RAPGEF2: variants seen among roughly 807,000 people sequenced by gnomAD.
RAPGEF2 encodes the protein Rap guanine nucleotide exchange factor 2, also known as PDZ domain containing guanine nucleotide exchange factor (GEF) 1.
Under a neutral mutation model 186.7 loss-of-function variants are expected in RAPGEF2, and 54 were observed. The observed-to-expected ratio is 0.29, with a 90% CI of 0.23 to 0.36. The LOEUF (loss-of-function observed/expected upper bound fraction) is 0.36. Among genes scored for constraint, RAPGEF2 ranks in the 10% least tolerant of loss-of-function variants. RAPGEF2 has a pLI of 1.00. For synonymous variants in RAPGEF2, 712 were observed against 705.9 expected (o/e 1.01, Z -0.14); for missense variants, 1,532 against 2,045.0 (o/e 0.75, Z 4.84).
intron 11 of RAPGEF2, among the ~76,000 whole-genome samples, chr4:159,325,030 C>T (rs918005874): frequency 2.0e-5 from 3 of 151,894 alleles, no homozygotes; most frequent in East Asian, 1.9e-4. Flanking sequence ...TTACAGTGTC[C>T]GGTCAATGTA....
intron 4 of RAPGEF2, among the ~76,000 whole-genome samples, chr4:159,222,518 A>G (rs1442183160): frequency 6.6e-6 from 1 of 152,218 alleles, no homozygotes; most frequent in East Asian, 1.9e-4. Context: ...TATTTCATAA[A>G]GATTTTAGAG....
rs1243908467 is a variant in RAPGEF2, at chr4:159,268,348, G to A, written c.543+24557G>A. On this transcript the variant is annotated intron_variant, in intron 7 of 29. Coordinates refer to ENST00000691494, the MANE Select transcript of RAPGEF2 (RefSeq NM_001394067.2). Reference sequence around the variant, plus strand: ...TATAGTAGTCTGCTTGGAGAGGAGGGGAGGGTGCATTAAAGCTGGCTTGTT... The same window carrying A: ...TATAGTAGTCTGCTTGGAGAGGAGGAGAGGGTGCATTAAAGCTGGCTTGTT... 4.5e-6 allele frequency: 3 copies of A among 659,560 alleles called. No individual in the cohort carries two copies. In the East Asian group the frequency reaches 8.9e-5, roughly 20 times the overall value. The allele number at this position is 659,560 out of a possible 1,614,324, so 40.9% of individuals were successfully genotyped here.
chr4:159,109,627 A>G (rs1005089408), intron 1 of RAPGEF2, among the ~76,000 whole-genome samples: 6 of 152,208 alleles, frequency 3.9e-5, no homozygotes, highest in African/African-American at 1.4e-4. Context: ...TAACTCACTA[A>G]TCTATTGTTA....
intron 1 of RAPGEF2, among the ~76,000 whole-genome samples, 170 bp from the exon 2 acceptor site, chr4:159,186,472 C>T (rs1174019946): frequency 3.3e-5 from 5 of 151,982 alleles, no homozygotes. Context: ...TAATGGATGA[C>T]ATTTGTACAA....
intron 7 of RAPGEF2, among the ~76,000 whole-genome samples, chr4:159,288,550 A>G (rs1760791848): frequency 6.6e-6 from 1 of 152,070 alleles, no homozygotes; most frequent in Non-Finnish European, 1.5e-5. Flanking sequence ...ACCCCCTGCC[A>G]GAATGATCTT....
At chr4:159,301,787 A>C (rs1364352004) in intron 7 of RAPGEF2, among the ~76,000 whole-genome samples, 1 of 152,188 alleles carries the variant, frequency 6.6e-6, no homozygotes, top group East Asian at 1.9e-4. Context: ...TCAGCCCAGG[A>C]GTTTAAGGCT....
At chr4:159,136,216 C>G (rs1333058242) in intron 1 of RAPGEF2, among the ~76,000 whole-genome samples, 1 of 152,146 alleles carries the variant, frequency 6.6e-6, no homozygotes, top group South Asian at 2.1e-4. Flanking sequence ...ATACAAGTTA[C>G]TTTATTAAAC....
chr4:159,352,818 C>A lies in RAPGEF2; in HGVS notation c.3999C>A (p.Arg1333=). The change falls in exon 27 of 30, where the codon CGC becomes CGA. Residue 1333 remains arginine (R), a synonymous_variant. Transcript: ENST00000691494. ...SVPVSLHDER[R]QRHSVSIVET... ...CAGTCTCACTGCACGATGAGAGGCG[C>A]CAGAGGCATTCTGTCAGCATCGTGG... 1 of 1,614,164 alleles carries A rather than the reference C, an allele frequency of 6.2e-7. No individual in the cohort carries two copies. The highest frequency in any genetic ancestry group is 1.1e-5 in the South Asian group (1 of 91,080).
In RAPGEF2 at chr4:159,344,176, C is replaced by T. The variant is rs1050392819; in HGVS notation, c.3278+117C>T. ...TTTTTGCATTTTTTTCCTTAACCCT[C>T]GTGCTGTAGCAGAATTTCAGATGGC... is the stretch of plus-strand genomic sequence containing the variant. On this transcript the variant is annotated intron_variant, in intron 23 of 29. Coordinates refer to ENST00000691494, the MANE Select transcript of RAPGEF2 (RefSeq NM_001394067.2). The T allele has an allele frequency of 4.1e-5, 44 of 1,064,268 alleles. No homozygotes were observed. The Middle Eastern group carries it at 8.1e-4, about 20-fold the overall frequency. The allele number at this position is 1,064,268 out of a possible 1,614,324, so 65.9% of individuals were successfully genotyped here.
intron 1 of RAPGEF2, among the ~76,000 whole-genome samples, chr4:159,150,770 C>T (rs1456192132): frequency 1.3e-5 from 2 of 152,188 alleles, no homozygotes; most frequent in Non-Finnish European, 2.9e-5. Flanking sequence ...TAGGCAAATT[C>T]ACGAATACGG....
chr4:159,142,673 T>C (rs1377851717), intron 1 of RAPGEF2, among the ~76,000 whole-genome samples: 1 of 152,146 alleles, frequency 6.6e-6, no homozygotes, highest in East Asian at 1.9e-4. Flanking sequence ...TAAAAAAGCC[T>C]TTAAAAATTT....
At chr4:159,164,657 T>C (rs1745103102) in intron 1 of RAPGEF2, among the ~76,000 whole-genome samples, 1 of 152,046 alleles carries the variant, frequency 6.6e-6, no homozygotes, top group Non-Finnish European at 1.5e-5. Context: ...ATGAATACAT[T>C]CATATAATGT....
intron 19 of RAPGEF2, among the ~76,000 whole-genome samples, chr4:159,339,673 A>G (rs1466252141): frequency 2.0e-5 from 3 of 152,134 alleles, no homozygotes; most frequent in Non-Finnish European, 4.4e-5. Context: ...AGGGTAGAGT[A>G]TGCTTGATGT....
intron 7 of RAPGEF2, chr4:159,267,925 T>C: frequency 7.7e-7 from 1 of 1,296,364 alleles, no homozygotes; most frequent in Non-Finnish European, 9.8e-7. Context: ...GGTTAGAGTT[T>C]CAATGTTATA....
chr4:159,137,295 C>G (rs899336234), intron 1 of RAPGEF2, among the ~76,000 whole-genome samples: 4 of 152,150 alleles, frequency 2.6e-5, no homozygotes, highest in African/African-American at 9.7e-5. Flanking sequence ...AGGCCTACTC[C>G]TGGCCTGCAG....
At chr4:159,163,797 A>G (rs770779874) in intron 1 of RAPGEF2, among the ~76,000 whole-genome samples, 3 of 148,940 alleles carry the variant, frequency 2.0e-5, no homozygotes. Context: ...TTACTGAAAG[A>G]TGAAAGGATC....
At chr4:159,190,047 G>A (rs561796037) in intron 2 of RAPGEF2, among the ~76,000 whole-genome samples, 5 of 152,296 alleles carry the variant, frequency 3.3e-5, no homozygotes, top group Middle Eastern at 3.4e-3. Context: ...AAGGAGGGGT[G>A]ACATTAGAGT....
chr4:159,256,892 G>GT (rs1756234844), intron 7 of RAPGEF2, among the ~76,000 whole-genome samples: 1 of 151,858 alleles, frequency 6.6e-6, no homozygotes, highest in Admixed American at 6.6e-5. Flanking sequence ...GGAGTTGTCT[G>GT]TTTTTTTCTT....
chr4:159,174,901 T>C (rs1417809719), intron 1 of RAPGEF2, among the ~76,000 whole-genome samples: 1 of 152,034 alleles, frequency 6.6e-6, no homozygotes, highest in Admixed American at 6.6e-5. Context: ...GGACCACAGG[T>C]GCTCGTCACC....
Sources: gnomAD v4.1 joint callset for allele counts (sites outside exome capture counted in the v4.1 genomes callset) on GRCh38, gnomAD v4.1.1 for gene constraint, MANE v1.5 for transcripts, NCBI Gene and HGNC (gene_info 2026-07-23, HGNC 2026-07-21) for gene names.